Variants in ZFYVE9 observed in about 807,000 individuals in gnomAD.
ZFYVE9 encodes zinc finger FYVE domain-containing protein 9.
A neutral mutation model predicts 126.7 loss-of-function variants in ZFYVE9; 43 were observed. The ratio of observed to expected loss-of-function variants is 0.34; its 90% CI spans 0.27 to 0.44. The LOEUF (loss-of-function observed/expected upper bound fraction) is 0.44. Among genes scored for constraint, ZFYVE9 ranks in the 20% least tolerant of loss-of-function variants. The pLI is 1.00. For synonymous variants in ZFYVE9, 521 were observed against 597.4 expected, an observed-to-expected ratio of 0.87 and a Z score of 1.87; for missense variants, 1,476 against 1,697.0, an observed-to-expected ratio of 0.87 and a Z score of 2.29.
intron 1 of ZFYVE9, among the ~76,000 whole-genome samples, chr1:52,169,050 T>G (rs1409463880): frequency 6.6e-6 from 1 of 152,156 alleles, no homozygotes; most frequent in Non-Finnish European, 1.5e-5. Flanking sequence ...GATTGCTCCC[T>G]GACATCCAGA....
At chr1:52,200,556 T>C (rs1644914101) in intron 1 of ZFYVE9, among the ~76,000 whole-genome samples, 2 of 152,190 alleles carry the variant, frequency 1.3e-5, no homozygotes, top group South Asian at 4.1e-4. Flanking sequence ...CCTTTGGTAT[T>C]GTGTCTAAAA....
At chr1:52,240,786 A>G in intron 4 of ZFYVE9, among the ~76,000 whole-genome samples, 1 of 152,172 alleles carries the variant, frequency 6.6e-6, no homozygotes, top group Non-Finnish European at 1.5e-5. Flanking sequence ...CTTATCAGGG[A>G]GGAAGGGACC....
chr1:52,313,383 A>G (rs1159094351), intron 13 of ZFYVE9, among the ~76,000 whole-genome samples: 1 of 152,200 alleles, frequency 6.6e-6, no homozygotes, highest in Non-Finnish European at 1.5e-5. Flanking sequence ...GGGGAAACCC[A>G]AACTGACTTA....
At chr1:52,245,954 G>A (rs1645380313) in intron 4 of ZFYVE9, among the ~76,000 whole-genome samples, 1 of 152,116 alleles carries the variant, frequency 6.6e-6, no homozygotes, top group African/African-American at 2.4e-5. Context: ...TGGAGACAGG[G>A]TCTCACTCTG....
intron 4 of ZFYVE9, among the ~76,000 whole-genome samples, chr1:52,259,969 A>G (rs1016546543): frequency 6.6e-6 from 1 of 152,150 alleles, no homozygotes; most frequent in African/African-American, 2.4e-5. Flanking sequence ...CTACTGATGA[A>G]CACTTGGGTT....
chr1:52,210,242 A>T (rs1316757264), intron 1 of ZFYVE9, among the ~76,000 whole-genome samples: 1 of 152,176 alleles, frequency 6.6e-6, no homozygotes, highest in Non-Finnish European at 1.5e-5. Flanking sequence ...TAAGTAGTAA[A>T]ATGGCACTGG....
chr1:52,343,542 G>A (rs1646458882), intron 17 of ZFYVE9, among the ~76,000 whole-genome samples: 1 of 150,734 alleles, frequency 6.6e-6, no homozygotes, highest in Admixed American at 6.6e-5. Context: ...GATCACCTAA[G>A]GTCAGGAGTT....
intron 1 of ZFYVE9, among the ~76,000 whole-genome samples, chr1:52,210,971 G>A (rs1645023429): frequency 6.6e-6 from 1 of 152,092 alleles, no homozygotes; most frequent in Admixed American, 6.5e-5. Context: ...TTCTCTCTTA[G>A]GGTTTTCATG....
intron 1 of ZFYVE9, chr1:52,180,649 C>A (rs1025266054): frequency 4.4e-6 from 2 of 456,538 alleles, no homozygotes; most frequent in Non-Finnish European, 8.0e-6. Flanking sequence ...TAGTTTTGTA[C>A]AAATTATGTT....
chr1:52,164,860 T>C (rs1297850901), intron 1 of ZFYVE9, among the ~76,000 whole-genome samples: 1 of 152,198 alleles, frequency 6.6e-6, no homozygotes, highest in Non-Finnish European at 1.5e-5. Context: ...TTTGAGATTC[T>C]TAGCAGTAAA....
At chr1:52,255,958 CTT>C in intron 4 of ZFYVE9, among the ~76,000 whole-genome samples, 1 of 83,288 alleles carries the variant, frequency 1.2e-5, no homozygotes, top group Admixed American at 1.2e-4. Context: ...CTTTTCTTTT[CTT>C]TTCTTTTCTT....
At chr1:52,179,609 A>G (rs1053795719) in intron 1 of ZFYVE9, among the ~76,000 whole-genome samples, 8 of 152,086 alleles carry the variant, frequency 5.3e-5, no homozygotes, top group African/African-American at 1.7e-4. Context: ...ACTCCAACCT[A>G]TGCAACAGAG....
intron 13 of ZFYVE9, among the ~76,000 whole-genome samples, chr1:52,314,517 T>C (rs1356311675): frequency 6.6e-6 from 1 of 152,156 alleles, no homozygotes; most frequent in Non-Finnish European, 1.5e-5. Flanking sequence ...GCCCCATCTC[T>C]ACTAAAAGTA....
rs180724823 is a variant in ZFYVE9, at chr1:52,213,535, C to A, written c.-142-2834C>A. On this transcript the variant is annotated intron_variant, in intron 1 of 18. Transcript: ENST00000287727. ...GGCCTGGTGGCGTGCATCTGTAGTC[C>A]CAGCTACTCAGGAGTCTGAGGCAGG... is the stretch of plus-strand genomic sequence containing the variant. Among the ~76,000 whole-genome samples the A allele has an allele frequency of 3.6e-3, 552 of 152,040 alleles. 2 individuals carry two copies. Among genetic ancestry groups the A allele is most frequent in the African/African-American group, 0.013 (528 of 41,438 alleles).
At chr1:52,307,682 C>T (rs1330936507) in intron 13 of ZFYVE9, among the ~76,000 whole-genome samples, 2 of 151,808 alleles carry the variant, frequency 1.3e-5, no homozygotes, top group Admixed American at 6.6e-5. Flanking sequence ...TATTTCTTGT[C>T]ATTTATTTTA....
At chr1:52,336,799 G>A (rs1331279107) in intron 15 of ZFYVE9, among the ~76,000 whole-genome samples, 1 of 151,970 alleles carries the variant, frequency 6.6e-6, no homozygotes, top group African/African-American at 2.4e-5. Flanking sequence ...ATGATAAAAT[G>A]AGCTGGGCAT....
chr1:52,322,906 G>A (rs1446668006), intron 13 of ZFYVE9, among the ~76,000 whole-genome samples: 14 of 152,066 alleles, frequency 9.2e-5, no homozygotes, highest in Admixed American at 9.2e-4. Flanking sequence ...CCAGGTTCAC[G>A]CCATTCTCCT....
intron 1 of ZFYVE9, among the ~76,000 whole-genome samples, chr1:52,214,919 T>C (rs530643414): frequency 6.6e-6 from 1 of 152,326 alleles, no homozygotes; most frequent in East Asian, 1.9e-4. Context: ...GATTGGATCA[T>C]GTCTGGTCAC....
At chr1:52,156,554 C>G (rs77657755) in intron 1 of ZFYVE9, among the ~76,000 whole-genome samples, 11,214 of 152,204 alleles carry the variant, frequency 0.074, 522 homozygotes, top group African/African-American at 0.13. Flanking sequence ...CTCCTCAGGT[C>G]AAAGACCCGG....
Sources: gnomAD v4.1 joint callset for allele counts (sites outside exome capture counted in the v4.1 genomes callset) on GRCh38, gnomAD v4.1.1 for gene constraint, MANE v1.5 for transcripts, NCBI Gene and HGNC (gene_info 2026-07-23, HGNC 2026-07-21) for gene names.